Variants in ARHGEF28 observed in about 807,000 individuals in gnomAD.
ARHGEF28 encodes Rho guanine nucleotide exchange factor 28.
Under a neutral mutation model 206.6 loss-of-function variants are expected in ARHGEF28, and 152 were observed. That is an observed-to-expected ratio of 0.74 (90% CI 0.64 to 0.84). ARHGEF28 has a LOEUF of 0.84. Among genes scored for constraint, ARHGEF28 ranks in the 40% least tolerant of loss-of-function variants. ARHGEF28 has a pLI of 0.00. For missense variants in ARHGEF28, 2,028 were observed against 2,073.2 expected, an observed-to-expected ratio of 0.98 and a Z score of 0.42; for synonymous variants, 763 against 776.4, an observed-to-expected ratio of 0.98 and a Z score of 0.29.
intron 32 of ARHGEF28, 25 bp from the exon 33 acceptor site, chr5:73,904,333 T>C (rs567513043): frequency 6.2e-7 from 1 of 1,613,300 alleles, no homozygotes; most frequent in Admixed American, 1.7e-5. Flanking sequence ...TTCAAGAATT[T>C]GACACTTACA....
chr5:73,723,299 C>T (rs901997883), intron 2 of ARHGEF28, among the ~76,000 whole-genome samples: 1 of 152,186 alleles, frequency 6.6e-6, no homozygotes, highest in Admixed American at 6.5e-5. Flanking sequence ...AGCAATGCTC[C>T]TGCCTCAGCC....
At chr5:73,741,920 G>T (rs900155692) in intron 2 of ARHGEF28, among the ~76,000 whole-genome samples, 3 of 152,108 alleles carry the variant, frequency 2.0e-5, no homozygotes, top group Non-Finnish European at 4.4e-5. Flanking sequence ...GCCTGTTAAA[G>T]TTTCCCACTG....
At position 73,920,137 on chromosome 5, in the gene ARHGEF28, T is replaced by C. The variant is rs1763438972; in HGVS notation, c.4948+8562T>C. Among the ~76,000 whole-genome samples the C allele has an allele frequency of 2.0e-5, 3 of 152,272 alleles. No homozygotes were observed. In the South Asian group the frequency reaches 6.2e-4, roughly 32 times the overall value. ...GAAAGAAGTTGAGGTATCAGAGAAATGGGGTGTGTGATGGTGGTTATCACA... is the reference window on the plus strand; with the variant it reads ...GAAAGAAGTTGAGGTATCAGAGAAACGGGGTGTGTGATGGTGGTTATCACA... On this transcript the variant is annotated intron_variant, in intron 35 of 35. Transcript: ENST00000513042.
intron 9 of ARHGEF28, among the ~76,000 whole-genome samples, chr5:73,805,647 CA>C (rs1225155565): frequency 4.6e-5 from 7 of 152,076 alleles, no homozygotes; most frequent in African/African-American, 1.4e-4. Context: ...TACAGATAAG[CA>C]GGGGGAAGAG....
intron 2 of ARHGEF28, among the ~76,000 whole-genome samples, chr5:73,729,258 A>C (rs1750464403): frequency 6.6e-6 from 1 of 152,200 alleles, no homozygotes. Flanking sequence ...ACCTCAAAGG[A>C]CTGTTGTGGG....
At chr5:73,730,251 A>T (rs1241862238) in intron 2 of ARHGEF28, among the ~76,000 whole-genome samples, 1 of 152,140 alleles carries the variant, frequency 6.6e-6, no homozygotes, top group Non-Finnish European at 1.5e-5. Flanking sequence ...TCCCAGTCAG[A>T]TATGTTGTAT....
At chr5:73,626,344 A>G (rs1170665069) in intron 1 of ARHGEF28, 22 bp downstream of exon 1, 1 of 152,178 alleles carries the variant, frequency 6.6e-6, no homozygotes, top group East Asian at 1.9e-4. Flanking sequence ...TTGGGACTCC[A>G]TCGTCTGCGT....
chr5:73,647,333 T>C (rs1580436701), intron 1 of ARHGEF28, among the ~76,000 whole-genome samples: 1 of 152,206 alleles, frequency 6.6e-6, no homozygotes, highest in East Asian at 1.9e-4. Flanking sequence ...TTTGAAAATA[T>C]TCCAAAAATC....
chr5:73,909,558 G>T lies in ARHGEF28; in HGVS notation c.4308G>T (p.Glu1436Asp), dbSNP rs772449847. Reference protein sequence around the residue: ...KSRDADRQHEELANVHQLQHQ... With the variant: ...KSRDADRQHEDLANVHQLQHQ... The stretch of plus-strand genomic sequence containing the variant: ...GCGACGCGGACAGGCAGCATGAGGA[G>T]CTGGCCAATGTGCACCAGCTTCAGC... Residue 1436 changes from glutamate to aspartate, a missense_variant, in exon 34 of 36, where the codon GAG becomes GAT. By Grantham distance (45) the Glu-to-Asp change is conservative. This residue lies in a region of ARHGEF28 where 803 missense variants were observed against 768.0 expected (regional missense o/e 1.05). Transcript: ENST00000513042. 2.5e-6 allele frequency: 4 copies of T among 1,574,190 alleles called. No homozygotes were observed. Among genetic ancestry groups the T allele is most frequent in the African/African-American group, 2.7e-5 (2 of 73,994 alleles).
chr5:73,868,253 A>T (rs1470857056), intron 20 of ARHGEF28, 26 bp downstream of exon 20: 2 of 1,537,920 alleles, frequency 1.3e-6, no homozygotes, highest in Non-Finnish European at 1.8e-6. Flanking sequence ...ACTTCCATTT[A>T]TTTGTGTTTT....
At chr5:73,928,253 T>C (rs1295570490) in intron 35 of ARHGEF28, among the ~76,000 whole-genome samples, 2 of 152,064 alleles carry the variant, frequency 1.3e-5, no homozygotes, top group Non-Finnish European at 2.9e-5. Flanking sequence ...CCGTCTCTAC[T>C]AAAAATACAA....
chr5:73,879,441 C>T (rs1341016380), intron 22 of ARHGEF28, among the ~76,000 whole-genome samples: 7 of 152,198 alleles, frequency 4.6e-5, no homozygotes, highest in African/African-American at 1.4e-4. Context: ...AGTCATTCTC[C>T]GTCCAGCTTT....
intron 16 of ARHGEF28, among the ~76,000 whole-genome samples, chr5:73,859,199 C>T (rs1442503202): frequency 1.3e-5 from 2 of 152,166 alleles, no homozygotes; most frequent in East Asian, 3.8e-4. Context: ...TTGTTCTCTG[C>T]TATATGCAGA....
At chr5:73,641,657 A>T (rs1290336277) in intron 1 of ARHGEF28, among the ~76,000 whole-genome samples, 2 of 152,118 alleles carry the variant, frequency 1.3e-5, no homozygotes, top group Admixed American at 1.3e-4. Flanking sequence ...GAAGACAGGG[A>T]TCTCTCATAA....
intron 9 of ARHGEF28, among the ~76,000 whole-genome samples, chr5:73,800,356 A>G (rs1755057757): frequency 6.6e-6 from 1 of 152,156 alleles, no homozygotes; most frequent in South Asian, 2.1e-4. Flanking sequence ...GAAAGGGAAA[A>G]TGTAGATCCT....
rs747882900 is a variant in ARHGEF28, at chr5:73,904,335, A to T, written c.4114-23A>T. ...TAATGAAAGCTTTTTCAAGAATTTG[A>T]CACTTACAATTTTGTTTTTCAGATT... On this transcript the variant is annotated intron_variant, in intron 32 of 35. Transcript: ENST00000513042. 4 of 1,613,280 alleles carry T rather than the reference A, an allele frequency of 2.5e-6. No homozygotes were observed. The South Asian group carries it at 3.3e-5, about 13-fold the overall frequency.
chr5:73,731,202 A>C (rs57103528), intron 2 of ARHGEF28, among the ~76,000 whole-genome samples: 3,756 of 152,216 alleles, frequency 0.025, 144 homozygotes, highest in African/African-American at 0.086. Context: ...GTGTGCTTTC[A>C]TTATGTGGTC....
intron 3 of ARHGEF28, 58 bp from the exon 4 acceptor site, chr5:73,752,851 C>T: frequency 7.6e-6 from 12 of 1,585,850 alleles, no homozygotes; most frequent in Non-Finnish European, 9.5e-6. Context: ...CACATTGGAC[C>T]CCTGTGAGAG....
intron 1 of ARHGEF28, among the ~76,000 whole-genome samples, chr5:73,658,234 C>T (rs1745350879): frequency 6.6e-6 from 1 of 151,998 alleles, no homozygotes; most frequent in Non-Finnish European, 1.5e-5. Context: ...CTCCTGTCAC[C>T]CCATTTCTTC....
Sources: allele counts gnomAD v4.1 joint callset (sites outside exome capture counted in the v4.1 genomes callset), GRCh38; gene constraint gnomAD v4.1.1; regional missense constraint gnomAD v4.1.1; transcripts MANE v1.5; gene names NCBI Gene and HGNC (gene_info 2026-07-23, HGNC 2026-07-21).